Variants in ARHGAP42 observed in about 807,000 individuals in gnomAD.
ARHGAP42 encodes the protein rho GTPase-activating protein 42.
ARHGAP42 carries 63 observed loss-of-function variants against 125.0 expected under a neutral mutation model. The observed-to-expected ratio is 0.50, with a 90% CI of 0.41 to 0.62. The LOEUF (loss-of-function observed/expected upper bound fraction) is 0.62, where lower values mean the gene tolerates loss of function less well. Ranked by LOEUF, ARHGAP42 falls within the 20% of genes least tolerant of loss-of-function variation. ARHGAP42 has a pLI of 0.00. For missense variants in ARHGAP42, 766 were observed against 1,024.2 expected, an observed-to-expected ratio of 0.75 and a Z score of 3.44; for synonymous variants, 339 against 351.0, an observed-to-expected ratio of 0.97 and a Z score of 0.38.
chr11:100,821,742 C>T lies in ARHGAP42; in HGVS notation c.312+26576C>T, dbSNP rs572616793. On this transcript the variant is annotated intron_variant, in intron 3 of 23. Coordinates refer to ENST00000298815, the MANE Select transcript of ARHGAP42 (RefSeq NM_152432.4). Reference sequence around the variant, plus strand: ...CTCTTCACTATCTTTTCTGCTTTGTCGTATACTGTGTTTATATTTCTTTTC... The same window carrying T: ...CTCTTCACTATCTTTTCTGCTTTGTTGTATACTGTGTTTATATTTCTTTTC... Among the ~76,000 whole-genome samples the T allele has an allele frequency of 5.9e-5, 9 of 152,060 alleles. No individual in the cohort carries two copies. In the South Asian group the frequency reaches 1.0e-3, roughly 18 times the overall value.
chr11:100,909,154 T>A (rs936209881), intron 4 of ARHGAP42, among the ~76,000 whole-genome samples: 2 of 152,196 alleles, frequency 1.3e-5, no homozygotes, highest in Admixed American at 6.5e-5. Flanking sequence ...ATGGATTGTT[T>A]GCAAATACTT....
chr11:100,964,435 A>C (rs767902906), intron 16 of ARHGAP42, among the ~76,000 whole-genome samples: 6 of 152,264 alleles, frequency 3.9e-5, no homozygotes, highest in Non-Finnish European at 1.5e-5. Context: ...CAGATTTTTG[A>C]TGTCTCCATT....
intron 4 of ARHGAP42, among the ~76,000 whole-genome samples, chr11:100,894,493 G>A (rs1450102663): frequency 2.0e-5 from 3 of 152,188 alleles, no homozygotes; most frequent in African/African-American, 7.2e-5. Flanking sequence ...AAAAGAAAAG[G>A]TATATTTTTG....
chr11:100,970,630 G>C (rs1171354680), intron 17 of ARHGAP42, among the ~76,000 whole-genome samples: 1 of 151,862 alleles, frequency 6.6e-6, no homozygotes, highest in Non-Finnish European at 1.5e-5. Flanking sequence ...TGCTAAAAAG[G>C]CTCTTTCTGT....
chr11:100,737,717 A>C (rs752447634), intron 1 of ARHGAP42, among the ~76,000 whole-genome samples: 19 of 152,220 alleles, frequency 1.2e-4, no homozygotes, highest in Non-Finnish European at 2.5e-4. Flanking sequence ...TTATTTGTTG[A>C]ATGAATGAAC....
chr11:100,710,239 A>AT (rs1222227910), intron 1 of ARHGAP42, among the ~76,000 whole-genome samples: 1 of 151,476 alleles, frequency 6.6e-6, no homozygotes, highest in Non-Finnish European at 1.5e-5. Flanking sequence ...TTTCTTTTTT[A>AT]TTTTTTTAGA....
At chr11:100,767,289 A>T (rs1023900834) in intron 1 of ARHGAP42, among the ~76,000 whole-genome samples, 4 of 152,210 alleles carry the variant, frequency 2.6e-5, no homozygotes, top group Non-Finnish European at 5.9e-5. Context: ...GTTCCACTTG[A>T]CAGACGGGAT....
intron 21 of ARHGAP42, among the ~76,000 whole-genome samples, chr11:100,977,568 A>G (rs942432984): frequency 5.9e-5 from 9 of 152,180 alleles, no homozygotes; most frequent in Admixed American, 4.6e-4. Flanking sequence ...AACAATGGAA[A>G]CCTGGCTAAA....
intron 4 of ARHGAP42, among the ~76,000 whole-genome samples, chr11:100,901,635 C>T (rs190758674): frequency 6.6e-6 from 1 of 152,190 alleles, no homozygotes; most frequent in Non-Finnish European, 1.5e-5. Context: ...TGCCCCTCCC[C>T]CAGCCAGGCT....
chr11:100,943,743 A>T lies in ARHGAP42; in HGVS notation c.934-16A>T. 1 of 1,487,346 alleles carries T rather than the reference A, an allele frequency of 6.7e-7. No homozygotes were observed. The highest frequency in any genetic ancestry group is 9.2e-7 in the Non-Finnish European group (1 of 1,090,932). The allele number at this position is 1,487,346 out of a possible 1,614,324, so 92.1% of individuals were successfully genotyped here. A position where few individuals can be genotyped will look rare whatever the true frequency, so the allele number is the denominator to read the frequency against. On this transcript the variant is annotated splice_polypyrimidine_tract_variant and intron_variant, in intron 9 of 23. Coordinates refer to ENST00000298815, the MANE Select transcript of ARHGAP42 (RefSeq NM_152432.4). ...CTTGTCAGCATGTTAATACTGTGGTACTCTTCTTGTTTCAGAATGGCCTTG... is the reference window on the plus strand; with the variant it reads ...CTTGTCAGCATGTTAATACTGTGGTTCTCTTCTTGTTTCAGAATGGCCTTG...
chr11:100,897,500 T>C (rs1866394215), intron 4 of ARHGAP42, among the ~76,000 whole-genome samples: 2 of 152,198 alleles, frequency 1.3e-5, no homozygotes, highest in South Asian at 4.1e-4. Context: ...TTTGTTTGTG[T>C]CCTCTTTTAT....
intron 4 of ARHGAP42, among the ~76,000 whole-genome samples, chr11:100,894,435 A>T (rs1866292936): frequency 6.6e-6 from 1 of 152,220 alleles, no homozygotes; most frequent in Non-Finnish European, 1.5e-5. Context: ...AAGGATAACA[A>T]AATGTCAGCA....
intron 4 of ARHGAP42, among the ~76,000 whole-genome samples, chr11:100,866,467 T>TA (rs994353896): frequency 6.6e-6 from 1 of 152,226 alleles, no homozygotes. Context: ...CTTATTGTAT[T>TA]AGTCTATTCT....
chr11:100,956,822 G>A (rs536514517), intron 12 of ARHGAP42, among the ~76,000 whole-genome samples: 1 of 152,058 alleles, frequency 6.6e-6, no homozygotes, highest in African/African-American at 2.4e-5. Context: ...TGAAGAAACA[G>A]ATCATTGCTC....
chr11:100,886,625 C>A (rs1016015548), intron 4 of ARHGAP42, among the ~76,000 whole-genome samples: 9 of 152,152 alleles, frequency 5.9e-5, no homozygotes, highest in Admixed American at 3.3e-4. Flanking sequence ...AGCGATGCCC[C>A]ATTCCTGTTT....
chr11:100,784,355 G>T (rs1026357354), intron 2 of ARHGAP42, among the ~76,000 whole-genome samples: 2 of 152,100 alleles, frequency 1.3e-5, no homozygotes, highest in African/African-American at 4.8e-5. Flanking sequence ...CATGATCAAA[G>T]GTGCCCTCTA....
chr11:100,914,822 C>A (rs1186557567), intron 5 of ARHGAP42, among the ~76,000 whole-genome samples: 1 of 152,122 alleles, frequency 6.6e-6, no homozygotes, highest in Non-Finnish European at 1.5e-5. Flanking sequence ...TTTCTTATTT[C>A]TCCTACCTCT....
chr11:100,739,092 AATATGTAG>A, intron 1 of ARHGAP42, among the ~76,000 whole-genome samples: 1 of 152,208 alleles, frequency 6.6e-6, no homozygotes, highest in Admixed American at 6.5e-5. Flanking sequence ...GCACAACAGA[AATATGTAG>A]ATTTGACAGT....
intron 4 of ARHGAP42, among the ~76,000 whole-genome samples, chr11:100,880,410 A>G (rs61890823): frequency 0.084 from 12,822 of 152,198 alleles, 635 homozygotes; most frequent in East Asian, 0.25. Context: ...AGTCTCATTC[A>G]GGTTGCTGCG....
Sources: allele counts gnomAD v4.1 joint callset (sites outside exome capture counted in the v4.1 genomes callset), GRCh38; gene constraint gnomAD v4.1.1; transcripts MANE v1.5; gene names NCBI Gene and HGNC (gene_info 2026-07-23, HGNC 2026-07-21).